EPC1: variants seen among roughly 807,000 people sequenced by gnomAD.
The protein encoded by EPC1 is enhancer of polycomb 1, also known as enhancer of polycomb homolog 1.
EPC1 carries 12 observed loss-of-function variants against 98.4 expected under a neutral mutation model. That is an observed-to-expected ratio of 0.12 (90% CI 0.08 to 0.20). The LOEUF (loss-of-function observed/expected upper bound fraction) is 0.20, where lower values mean the gene tolerates loss of function less well. EPC1 is among the 10% of genes least tolerant of loss of function. The pLI is 1.00. For synonymous variants in EPC1, 357 were observed against 363.9 expected, an observed-to-expected ratio of 0.98 and a Z score of 0.21; for missense variants, 729 against 990.5, an observed-to-expected ratio of 0.74 and a Z score of 3.54.
chr10:32,339,330 C>A (rs1453261735), intron 1 of EPC1, among the ~76,000 whole-genome samples: 3 of 152,194 alleles, frequency 2.0e-5, no homozygotes, highest in Non-Finnish European at 4.4e-5. Context: ...GAGCTAGAGG[C>A]TAGAGTAAGG....
chr10:32,291,238 G>A lies in EPC1; in HGVS notation c.900C>T (p.Pro300=), dbSNP rs770502822. 6.1e-5 allele frequency: 99 copies of A among 1,613,764 alleles called. No homozygotes were observed. Among genetic ancestry groups the A allele is most frequent in the Admixed American group, 1.8e-4 (11 of 59,980 alleles). The part of the protein sequence containing the change: ...RQPMKPTYAI[P]IIPITNSSQF... ...GACTGCTATTAGTAATAGGGATGAT[G>A]GGGATGGCATAAGTAGGTTTCATTG... Residue 300 remains proline, a synonymous_variant, in exon 6 of 14, where the codon CCC becomes CCT. Coordinates refer to ENST00000319778, the MANE Select transcript of EPC1 (RefSeq NM_001272004.3).
intron 2 of EPC1, among the ~76,000 whole-genome samples, chr10:32,294,994 C>T (rs1017604437): frequency 2.6e-5 from 4 of 152,108 alleles, no homozygotes; most frequent in Admixed American, 6.6e-5. Flanking sequence ...CTTTTTAGCA[C>T]CCAGCCTGGT....
chr10:32,269,332 CCA>C (rs1835725077), intron 13 of EPC1, 197 bp from the exon 14 acceptor site: 2 of 488,058 alleles, frequency 4.1e-6, no homozygotes, highest in Non-Finnish European at 7.3e-6. Flanking sequence ...TAAATAAATT[CCA>C]CAGTCAACTA....
chr10:32,372,779 T>G (rs1208051191), intron 1 of EPC1, among the ~76,000 whole-genome samples: 1 of 152,216 alleles, frequency 6.6e-6, no homozygotes, highest in African/African-American at 2.4e-5. Flanking sequence ...CCCAGCACTT[T>G]GGCAGCCGAG....
intron 5 of EPC1, 52 bp from the exon 6 acceptor site, chr10:32,291,374 T>C (rs1212599799): frequency 1.4e-6 from 2 of 1,388,222 alleles, no homozygotes; most frequent in East Asian, 5.0e-5. Flanking sequence ...AGGAATACAA[T>C]GTGATGTTTT....
At chr10:32,356,138 A>T (rs1386018648) in intron 1 of EPC1, among the ~76,000 whole-genome samples, 2 of 152,172 alleles carry the variant, frequency 1.3e-5, no homozygotes, top group African/African-American at 2.4e-5. Context: ...CGAGAGAGAA[A>T]ATATCATGAA....
At chr10:32,347,593 C>G (rs987484606), upstream of EPC1, 1 of 152,074 alleles carries the variant, frequency 6.6e-6, no homozygotes, top group Non-Finnish European at 1.5e-5. Flanking sequence ...CTCTGGGGTG[C>G]TCGCCAGCGG....
chr10:32,370,281 C>T (rs993006458), intron 1 of EPC1, among the ~76,000 whole-genome samples: 2 of 152,104 alleles, frequency 1.3e-5, no homozygotes, highest in Non-Finnish European at 2.9e-5. Flanking sequence ...TCTGGGCCTC[C>T]CTCACCTCCT....
chr10:32,291,339 G>GA lies in EPC1; in HGVS notation c.816-18dup. On this transcript the variant is annotated splice_polypyrimidine_tract_variant and intron_variant, in intron 5 of 13. Transcript: ENST00000319778. The stretch of plus-strand genomic sequence containing the variant: ...AAATTATACCTAAAATTATACAAAT[G>GA]AAAGTTTAAAATTATATATATTTAA... 6.3e-7 allele frequency: 1 copy of GA among 1,582,440 alleles called. No homozygotes were observed. Among genetic ancestry groups the GA allele is most frequent in the Non-Finnish European group, 8.6e-7 (1 of 1,158,792 alleles).
At chr10:32,328,953 C>T (rs1264420288) in intron 1 of EPC1, among the ~76,000 whole-genome samples, 1 of 152,206 alleles carries the variant, frequency 6.6e-6, no homozygotes, top group Non-Finnish European at 1.5e-5. Flanking sequence ...CACCTGGAAA[C>T]TCTTAAGTTT....
chr10:32,333,856 T>C (rs925160885), intron 1 of EPC1, among the ~76,000 whole-genome samples: 24 of 152,174 alleles, frequency 1.6e-4, no homozygotes, highest in Non-Finnish European at 1.8e-4. Context: ...AACTAATAGA[T>C]TGACCCCAAA....
At chr10:32,347,299 T>A, upstream of EPC1, 2 of 740,628 alleles carry the variant, frequency 2.7e-6, no homozygotes, top group Non-Finnish European at 3.4e-6. Flanking sequence ...CCCGCCGGCC[T>A]CGCTTCCCGC....
chr10:32,301,038 ATATC>A (rs145962262), intron 2 of EPC1, among the ~76,000 whole-genome samples: 15,227 of 142,746 alleles, frequency 0.11, 760 homozygotes, highest in African/African-American at 0.13. Flanking sequence ...AAGCACATTT[ATATC>A]TATCTATCTA....
chr10:32,334,894 C>T (rs1837861742), intron 1 of EPC1, among the ~76,000 whole-genome samples: 1 of 152,158 alleles, frequency 6.6e-6, no homozygotes, highest in African/African-American at 2.4e-5. Flanking sequence ...ATGATACAGC[C>T]CTTGTTGAGA....
At chr10:32,299,173 T>C (rs1205678466) in intron 2 of EPC1, among the ~76,000 whole-genome samples, 1 of 152,144 alleles carries the variant, frequency 6.6e-6, no homozygotes. Context: ...ATTATATTCA[T>C]AATGGCTTTT....
chr10:32,292,072 GAAGTTTTCTTT>G (rs1440030693), intron 5 of EPC1: 9 of 152,294 alleles, frequency 5.9e-5, no homozygotes, highest in Non-Finnish European at 1.0e-4. Context: ...AAATAGGGCA[GAAGTTTTCTTT>G]AAGTTTTCAT....
chr10:32,273,084 T>TA (rs1346328865), intron 11 of EPC1, 79 bp downstream of exon 11: 1 of 1,614,178 alleles, frequency 6.2e-7, no homozygotes, highest in Admixed American at 1.7e-5. Context: ...TGCAAGGTTC[T>TA]ATGACAACAG....
At chr10:32,321,882 G>C (rs2132911831) in intron 1 of EPC1, among the ~76,000 whole-genome samples, 1 of 151,798 alleles carries the variant, frequency 6.6e-6, no homozygotes, top group African/African-American at 2.4e-5. Flanking sequence ...TACTAAGAGA[G>C]AAGCAAAAAG....
chr10:32,301,320 G>T (rs923980645), intron 2 of EPC1, among the ~76,000 whole-genome samples: 1 of 152,162 alleles, frequency 6.6e-6, no homozygotes, highest in Admixed American at 6.5e-5. Flanking sequence ...TTGTGTTCAT[G>T]ACCTGGAAGA....
Sources: gnomAD v4.1 joint callset for allele counts (sites outside exome capture counted in the v4.1 genomes callset) on GRCh38, gnomAD v4.1.1 for gene constraint, MANE v1.5 for transcripts, NCBI Gene and HGNC (gene_info 2026-07-23, HGNC 2026-07-21) for gene names.